Variants in DMTN observed in about 807,000 individuals in gnomAD.
The protein encoded by DMTN is dematin actin binding protein.
DMTN carries 27 observed loss-of-function variants against 59.4 expected under a neutral mutation model. That is an observed-to-expected ratio of 0.45 (90% confidence interval 0.33 to 0.63). DMTN has a LOEUF of 0.63. DMTN is among the 20% of genes least tolerant of loss of function. The probability of loss-of-function intolerance (pLI) is 0.02; values close to 1 mark genes in which losing one functional copy is unlikely to be tolerated. For missense variants in DMTN, 451 were observed against 528.9 expected (o/e 0.85, Z 1.45); for synonymous variants, 221 against 203.7 (o/e 1.08, Z -0.72).
intron 1 of DMTN, among the ~76,000 whole-genome samples, chr8:22,057,665 T>C (rs1803447103): frequency 1.3e-5 from 2 of 152,092 alleles, no homozygotes; most frequent in South Asian, 2.1e-4. Context: ...AGTGAGGCTG[T>C]GGCAGGGCGC....
At chr8:22,053,997 G>A (rs1801660705), upstream of DMTN, among the ~76,000 whole-genome samples, 1 of 152,188 alleles carries the variant, frequency 6.6e-6, no homozygotes, top group Non-Finnish European at 1.5e-5. Context: ...GGAGGCCGGA[G>A]GCAGAGTGAG....
At chr8:22,074,224 A>G (rs1437061395) in intron 10 of DMTN, among the ~76,000 whole-genome samples, 1 of 152,174 alleles carries the variant, frequency 6.6e-6, no homozygotes, top group Non-Finnish European at 1.5e-5. Context: ...GAGCACAGCA[A>G]CAGGGCCTGG....
At position 22,067,528 on chromosome 8, in the gene DMTN, C is replaced by T. The variant is rs139466873; in HGVS notation, c.95C>T (p.Ala32Val). ...TTTCACGCGCACCTTTCCCTTCAGG[C>T]CAAGATGGACAATCAGGTGCTGGGC... ...SVPGSPSSIVAKMDNQVLGYK... is the reference protein window; with the variant it reads ...SVPGSPSSIVVKMDNQVLGYK... The change falls in exon 4 of 16, where the codon GCC becomes GTC. Residue 32 changes from alanine (A) to valine (V), a missense_variant and splice_region_variant. Coordinates refer to ENST00000358242, the MANE Select transcript of DMTN (RefSeq NM_001387751.1). 3.8e-5 allele frequency: 62 copies of T among 1,614,058 alleles called. No homozygotes were observed. Among genetic ancestry groups the T allele is most frequent in the Non-Finnish European group, 1.7e-6 (2 of 1,180,026 alleles).
At position 22,058,405 on chromosome 8, in the gene DMTN, C is replaced by A. The variant is rs182280515; in HGVS notation, c.-172+1269C>A. Among the ~76,000 whole-genome samples the A allele has an allele frequency of 1.4e-4, 21 of 152,144 alleles. No individual in the cohort carries two copies. The highest frequency in any genetic ancestry group is 3.1e-4 in the Non-Finnish European group (21 of 68,028). On this transcript the variant is annotated intron_variant, in intron 1 of 15. Coordinates refer to ENST00000358242, the MANE Select transcript of DMTN (RefSeq NM_001387751.1). The surrounding 1 kb of genome is among the most constrained non-coding windows in gnomAD (Gnocchi z 4.3). ...TGCCAGTCCCACTTGTACAACAGGA[C>A]CAGCTATAAATGGAGGGGAAGCAGT...
chr8:22,052,816 C>T (rs1433420805), upstream of DMTN, among the ~76,000 whole-genome samples: 4 of 152,150 alleles, frequency 2.6e-5, no homozygotes, highest in Non-Finnish European at 4.4e-5. Flanking sequence ...TTCTTTAGGG[C>T]AGTGAGATGT....
chr8:22,058,941 G>A lies in DMTN; in HGVS notation c.-172+1805G>A, dbSNP rs1804302208. ...GTGGCGGGGGGGTGCGGGGAGCAAGGTGCCCTACCCCACCCACATCACACG... is the reference window on the plus strand; with the variant it reads ...GTGGCGGGGGGGTGCGGGGAGCAAGATGCCCTACCCCACCCACATCACACG... On this transcript the variant is annotated intron_variant, in intron 1 of 15. Transcript: ENST00000358242. The surrounding 1 kb of genome is among the most constrained non-coding windows in gnomAD (Gnocchi z 4.3). 1.3e-5 allele frequency among the ~76,000 whole-genome samples: 2 copies of A among 152,132 alleles called. No homozygotes were observed. Among genetic ancestry groups the A allele is most frequent in the South Asian group, 4.1e-4 (2 of 4,832 alleles).
chr8:22,079,002 G>A (rs1174621453), intron 10 of DMTN, among the ~76,000 whole-genome samples: 2 of 151,560 alleles, frequency 1.3e-5, no homozygotes, highest in South Asian at 2.1e-4. Flanking sequence ...GTTTCACCAT[G>A]TTAGCCAGGA....
chr8:22,072,165 C>G (rs1416351358), intron 8 of DMTN, among the ~76,000 whole-genome samples, 161 bp from the exon 9 acceptor site: 1 of 152,146 alleles, frequency 6.6e-6, no homozygotes, highest in Non-Finnish European at 1.5e-5. Flanking sequence ...GTTGAGATTA[C>G]AGGCATGAGT....
rs371858377 is a variant in DMTN, at chr8:22,081,448, G to T, written c.1203G>T (p.Lys401Asn). The change falls in exon 16 of 16, where the codon AAG becomes AAT. Residue 401 changes from lysine to asparagine, a missense_variant. Coordinates refer to ENST00000358242, the MANE Select transcript of DMTN (RefSeq NM_001387751.1). ...GGAAGCGGAATGAGCTCAAGAAGAA[G>T]GCCTCTCTCTTCTGATGGCCCCCAC... ...ALWKRNELKK[K>N]ASLF 3 of 1,613,914 alleles carry T rather than the reference G, an allele frequency of 1.9e-6. No homozygotes were observed. Among genetic ancestry groups the T allele is most frequent in the Non-Finnish European group, 2.5e-6 (3 of 1,179,910 alleles).
chr8:22,067,352 G>C (rs61268011), intron 3 of DMTN, among the ~76,000 whole-genome samples, 175 bp from the exon 4 acceptor site: 6,530 of 152,292 alleles, frequency 0.043, 450 homozygotes, highest in African/African-American at 0.15. Context: ...TTAATCCGAA[G>C]TGCTAGGCAA....
chr8:22,050,156 T>C (rs1801198098), upstream of DMTN, among the ~76,000 whole-genome samples: 1 of 152,174 alleles, frequency 6.6e-6, no homozygotes, highest in Non-Finnish European at 1.5e-5. Flanking sequence ...GGGGGTAGTT[T>C]TCTGGGATGT....
At chr8:22,061,940 T>C (rs1806870892) in intron 1 of DMTN, among the ~76,000 whole-genome samples, 1 of 151,414 alleles carries the variant, frequency 6.6e-6, no homozygotes, top group African/African-American at 2.4e-5. Flanking sequence ...TTTTAAAAAG[T>C]AAAGACAGGG....
At chr8:22,074,116 C>A (rs1228631979) in intron 10 of DMTN, among the ~76,000 whole-genome samples, 1 of 152,244 alleles carries the variant, frequency 6.6e-6, no homozygotes, top group Non-Finnish European at 1.5e-5. Context: ...CTAGTCTTGT[C>A]CTCTGGTAGC....
intron 1 of DMTN, among the ~76,000 whole-genome samples, chr8:22,061,440 A>G (rs1003502901): frequency 6.6e-6 from 1 of 152,214 alleles, no homozygotes; most frequent in Admixed American, 6.5e-5. Flanking sequence ...TGCCTCTGGC[A>G]CGGTATTTGT....
At position 22,060,413 on chromosome 8, in the gene DMTN, G is replaced by A. The variant is rs1018800493; in HGVS notation, c.-172+3277G>A. 1.4e-5 allele frequency among the ~76,000 whole-genome samples: 2 copies of A among 147,594 alleles called. No homozygotes were observed. The highest frequency in any genetic ancestry group is 2.1e-4 in the South Asian group (1 of 4,664). ...CTCTCTCTTTCTCTCTTTCTGTCTC[G>A]CTCTCTCTCTCTCTCTCTCCCCCTC... On this transcript the variant is annotated intron_variant, in intron 1 of 15. Transcript: ENST00000358242. This position sits in a 1 kb window ranked among gnomAD's most constrained non-coding sequence, Gnocchi z 5.0.
At chr8:22,053,994 G>A (rs558296462), upstream of DMTN, among the ~76,000 whole-genome samples, 32 of 152,254 alleles carry the variant, frequency 2.1e-4, no homozygotes, top group South Asian at 4.2e-3. Flanking sequence ...GGAGGAGGCC[G>A]GAGGCAGAGT....
At position 22,081,653 on chromosome 8, in the gene DMTN, G is replaced by A; in HGVS notation, c.*190G>A. On this transcript the variant is annotated 3_prime_UTR_variant, in exon 16 of 16. Transcript: ENST00000358242. ...TTTCTTCCCCCTCACAAGGCTGGGG[G>A]CCTCCTGCTCTCGTCCCTGGCCCTC... 1.6e-6 allele frequency: 1 copy of A among 614,780 alleles called. No homozygotes were observed. The highest frequency in any genetic ancestry group is 2.9e-6 in the Non-Finnish European group (1 of 344,506). 38.1% of individuals were successfully genotyped at this position (614,780 alleles called of 1,614,324 possible).
chr8:22,061,352 A>T (rs1806297831), intron 1 of DMTN, among the ~76,000 whole-genome samples: 1 of 152,142 alleles, frequency 6.6e-6, no homozygotes, highest in African/African-American at 2.4e-5. Context: ...TGCCAGCTGT[A>T]ACACAGACGT....
intron 10 of DMTN, 109 bp downstream of exon 10, chr8:22,073,944 C>T (rs538213405): frequency 3.1e-5 from 25 of 813,390 alleles, no homozygotes; most frequent in East Asian, 1.8e-4. Context: ...ACCCAAAGCA[C>T]GGCTGCTCTC....
Sources: gnomAD v4.1 joint callset for allele counts (sites outside exome capture counted in the v4.1 genomes callset) on GRCh38, gnomAD v4.1.1 for gene constraint, Gnocchi (gnomAD v3.1) non-coding constraint, MANE v1.5 for transcripts, NCBI Gene and HGNC (gene_info 2026-07-23, HGNC 2026-07-21) for gene names.